The following EIF4ENIF1 variants were observed in gnomAD, a reference collection of about 807,000 sequenced individuals.
EIF4ENIF1 encodes eukaryotic translation initiation factor 4E transporter.
In EIF4ENIF1, 23 loss-of-function variants were observed where a neutral mutation model predicts 110.5. The ratio of observed to expected loss-of-function variants is 0.21; its 90% CI spans 0.15 to 0.29. EIF4ENIF1 has a LOEUF of 0.29. EIF4ENIF1 is among the 10% of genes least tolerant of loss of function. The pLI, the probability that EIF4ENIF1 is intolerant of heterozygous loss-of-function variation, is 1.00. For missense variants in EIF4ENIF1, 1,031 were observed against 1,221.1 expected (o/e 0.84, Z 2.32); for synonymous variants, 440 against 437.0 (o/e 1.01, Z -0.09).
chr22:31,478,928 G>C (rs1210388401), intron 2 of EIF4ENIF1, among the ~76,000 whole-genome samples: 1 of 149,658 alleles, frequency 6.7e-6, no homozygotes, highest in Non-Finnish European at 1.5e-5. Flanking sequence ...CCCCAGCCTG[G>C]GTGACACAGA....
intron 2 of EIF4ENIF1, among the ~76,000 whole-genome samples, chr22:31,485,613 C>T (rs1384911267): frequency 6.6e-6 from 1 of 151,826 alleles, no homozygotes; most frequent in Non-Finnish European, 1.5e-5. Flanking sequence ...GGTGGATCAC[C>T]TGAGGTCAGG....
Position 31,440,143 on chromosome 22 carries a change from T to C in EIF4ENIF1, c.2717-22A>G, listed in dbSNP as rs2050247619. The stretch of plus-strand genomic sequence containing the variant: ...AGAACTGTGGAGATAAGAAGGGTTA[T>C]CATTCACAGCATGAGAAGGAAAGTT... On this transcript the variant is annotated intron_variant, in intron 18 of 18. Coordinates refer to ENST00000330125, the MANE Select transcript of EIF4ENIF1 (RefSeq NM_019843.4). 7 of 1,614,062 alleles carry C rather than the reference T, an allele frequency of 4.3e-6. No individual in the cohort carries two copies. The East Asian group carries it at 1.3e-4, about 31-fold the overall frequency.
At chr22:31,492,027 G>A (rs2052291338), upstream of EIF4ENIF1, among the ~76,000 whole-genome samples, 1 of 152,158 alleles carries the variant, frequency 6.6e-6, no homozygotes, top group Non-Finnish European at 1.5e-5. Flanking sequence ...CAAAGGCTGG[G>A]GCTGAGGGTC....
At position 31,463,930 on chromosome 22, in the gene EIF4ENIF1, A is replaced by G; in HGVS notation, c.336T>C (p.Val112=). 1 of 1,613,996 alleles carries G rather than the reference A, an allele frequency of 6.2e-7. No individual in the cohort carries two copies. Among genetic ancestry groups the G allele is most frequent in the Non-Finnish European group, 8.5e-7 (1 of 1,180,026 alleles). ...AGCTCCGTCTCTGAGGGCTGAGAAC[A>G]ACATCTAAGTCATCTTCTTTCACAC... ...RERVKEDDLD[V]VLSPQRRSFG... Residue 112 remains valine (V), a synonymous_variant, in exon 5 of 19, where the codon GTT becomes GTC. Transcript: ENST00000330125.
chr22:31,485,605 T>C (rs1388808264), intron 2 of EIF4ENIF1, among the ~76,000 whole-genome samples: 1 of 151,596 alleles, frequency 6.6e-6, no homozygotes, highest in Non-Finnish European at 1.5e-5. Flanking sequence ...CTGAGGTGGG[T>C]GGATCACCTG....
Position 31,439,650 on chromosome 22 carries a change from A to G in EIF4ENIF1, c.*230T>C. 2 of 588,062 alleles carry G rather than the reference A, an allele frequency of 3.4e-6. No homozygotes were observed. Among genetic ancestry groups the G allele is most frequent in the Non-Finnish European group, 5.7e-6 (2 of 350,716 alleles). The allele number at this position is 588,062 out of a possible 1,614,324, so 36.4% of individuals were successfully genotyped here. ...ACATATCTTACAAAAAAGAAAGACC[A>G]TTTCCAGGATTGACAACATTGTGCA... On this transcript the variant is annotated 3_prime_UTR_variant, in exon 19 of 19. Transcript: ENST00000330125.
intron 6 of EIF4ENIF1, among the ~76,000 whole-genome samples, chr22:31,459,598 G>A (rs1569083035): frequency 6.6e-6 from 1 of 152,072 alleles, no homozygotes; most frequent in Non-Finnish European, 1.5e-5. Context: ...CTCTGGTGAG[G>A]CTAAACTCTG....
At chr22:31,448,083 T>C (rs1047458883) in intron 13 of EIF4ENIF1, 70 bp downstream of exon 13, 1 of 1,536,642 alleles carries the variant, frequency 6.5e-7, no homozygotes, top group Non-Finnish European at 9.0e-7. Context: ...ACAGTTCAGC[T>C]CTCCACTCCC....
intron 10 of EIF4ENIF1, among the ~76,000 whole-genome samples, chr22:31,451,868 G>A (rs1436867212): frequency 1.3e-5 from 2 of 152,132 alleles, no homozygotes; most frequent in Non-Finnish European, 2.9e-5. Flanking sequence ...TTAGCTCTGT[G>A]TGAAGTGCTT....
intron 15 of EIF4ENIF1, 104 bp downstream of exon 15, chr22:31,444,502 G>A (rs146173346): frequency 1.7e-5 from 18 of 1,077,978 alleles, no homozygotes; most frequent in East Asian, 4.8e-5. Flanking sequence ...AGTTATTTCC[G>A]TGGAAGGAAC....
chr22:31,444,410 G>A (rs2050397915), intron 15 of EIF4ENIF1, 196 bp downstream of exon 15: 1 of 557,798 alleles, frequency 1.8e-6, no homozygotes, highest in Admixed American at 3.0e-5. Context: ...CCCCAATATA[G>A]GGGCTTCATT....
At chr22:31,485,273 G>A (rs1016172885) in intron 2 of EIF4ENIF1, among the ~76,000 whole-genome samples, 3 of 152,128 alleles carry the variant, frequency 2.0e-5, no homozygotes, top group African/African-American at 4.8e-5. Flanking sequence ...GTTCTTCAAG[G>A]CACATTTATC....
chr22:31,455,133 T>TAA lies in EIF4ENIF1; in HGVS notation c.1279+2_1279+3insTT, dbSNP rs761027764. ...TCTAAAACAGATATTCATAAACACTTACAGCTTTCTTTAAGTTTTTCTTTA... is the reference window on the plus strand; with the variant it reads ...TCTAAAACAGATATTCATAAACACTTAAACAGCTTTCTTTAAGTTTTTCTTTA... On this transcript the variant is annotated splice_region_variant and intron_variant, in intron 9 of 18. Coordinates refer to ENST00000330125, the MANE Select transcript of EIF4ENIF1 (RefSeq NM_019843.4). 1 of 1,608,606 alleles carries TAA rather than the reference T, an allele frequency of 6.2e-7. No homozygotes were observed. The highest frequency in any genetic ancestry group is 8.5e-7 in the Non-Finnish European group (1 of 1,177,906).
At position 31,463,033 on chromosome 22, in the gene EIF4ENIF1, T is replaced by C; in HGVS notation, c.686A>G (p.Gln229Arg). 6.2e-7 allele frequency: 1 copy of C among 1,614,206 alleles called. No homozygotes were observed. Among genetic ancestry groups the C allele is most frequent in the Non-Finnish European group, 8.5e-7 (1 of 1,180,034 alleles). Residue 229 changes from glutamine to arginine, a missense_variant, in exon 6 of 19, where the codon CAG becomes CGG. This residue lies in a region of EIF4ENIF1 where 704 missense variants were observed against 879.7 expected (regional missense o/e 0.80). Transcript: ENST00000330125. Reference protein sequence around the residue: ...PEWFSAGPTSQSETIELTGFD... With the variant: ...PEWFSAGPTSRSETIELTGFD... ...GCCAGTCAGTTCGATGGTTTCAGACTGACTTGTGGGTCCAGCAGAGAACCA... is the reference window on the plus strand; with the variant it reads ...GCCAGTCAGTTCGATGGTTTCAGACCGACTTGTGGGTCCAGCAGAGAACCA...
At chr22:31,479,761 G>C (rs1022430409) in intron 2 of EIF4ENIF1, among the ~76,000 whole-genome samples, 2 of 147,770 alleles carry the variant, frequency 1.4e-5, no homozygotes, top group Non-Finnish European at 3.0e-5. Context: ...TCAGGCTGGA[G>C]TGCAGTGGCA....
chr22:31,450,787 T>G, intron 10 of EIF4ENIF1: 1 of 214,430 alleles, frequency 4.7e-6, no homozygotes, highest in South Asian at 6.9e-5. Flanking sequence ...TACACACACA[T>G]ATACACATAT....
chr22:31,473,922 C>T (rs1601630113), intron 2 of EIF4ENIF1, among the ~76,000 whole-genome samples: 1 of 152,178 alleles, frequency 6.6e-6, no homozygotes, highest in East Asian at 1.9e-4. Flanking sequence ...AACCACTCTT[C>T]ATTTTGCCAC....
intron 1 of EIF4ENIF1, 119 bp from the exon 2 acceptor site, chr22:31,488,864 T>C: frequency 8.9e-7 from 1 of 1,129,198 alleles, no homozygotes; most frequent in Non-Finnish European, 1.2e-6. Flanking sequence ...TAAAAACAAG[T>C]CCCCACCCCA....
intron 2 of EIF4ENIF1, 56 bp from the exon 3 acceptor site, chr22:31,471,973 T>G (rs1163428121): frequency 7.4e-6 from 10 of 1,358,056 alleles, no homozygotes; most frequent in Non-Finnish European, 1.0e-5. Flanking sequence ...CCACACACTT[T>G]AAACTTCTGT....
Sources: gnomAD v4.1 joint callset for allele counts (sites outside exome capture counted in the v4.1 genomes callset) on GRCh38, gnomAD v4.1.1 for gene constraint, gnomAD v4.1.1 regional missense constraint, MANE v1.5 for transcripts, NCBI Gene and HGNC (gene_info 2026-07-23, HGNC 2026-07-21) for gene names.